The following NLGN1 variants were observed in gnomAD, a reference collection of about 807,000 sequenced individuals.
NLGN1 encodes the protein neuroligin-1.
NLGN1 carries 12 observed loss-of-function variants against 65.5 expected under a neutral mutation model. The observed-to-expected ratio is 0.18, with a 90% CI of 0.12 to 0.30. The LOEUF is 0.30. NLGN1 is among the 10% of genes least tolerant of loss of function. The pLI, the probability that NLGN1 is intolerant of heterozygous loss-of-function variation, is 1.00. For missense variants in NLGN1, 750 were observed against 1,007.1 expected, an observed-to-expected ratio of 0.74 and a Z score of 3.46; for synonymous variants, 350 against 359.5, an observed-to-expected ratio of 0.97 and a Z score of 0.30.
chr3:173,829,572 T>TG (rs1722079693), intron 4 of NLGN1, among the ~76,000 whole-genome samples: 1 of 100,808 alleles, frequency 9.9e-6, no homozygotes. Context: ...GTGTGTGTGT[T>TG]TGTGTGTGTG....
chr3:173,456,621 A>G (rs140466642), intron 2 of NLGN1, among the ~76,000 whole-genome samples: 2,353 of 152,272 alleles, frequency 0.015, 34 homozygotes, highest in Middle Eastern at 0.048. Flanking sequence ...AAGAGAGTTT[A>G]ATGAAGGGGC....
intron 4 of NLGN1, among the ~76,000 whole-genome samples, chr3:173,976,799 A>G (rs1174941181): frequency 6.6e-6 from 1 of 151,994 alleles, no homozygotes; most frequent in Non-Finnish European, 1.5e-5. Context: ...AGTTCTATCC[A>G]TCTTTCCTCA....
chr3:173,481,039 G>T (rs1214681312), intron 2 of NLGN1, among the ~76,000 whole-genome samples: 3 of 151,928 alleles, frequency 2.0e-5, no homozygotes, highest in Non-Finnish European at 4.4e-5. Flanking sequence ...AGATATAATT[G>T]TTATTATTAG....
At chr3:173,858,116 C>G (rs1460835884) in intron 4 of NLGN1, among the ~76,000 whole-genome samples, 1 of 152,094 alleles carries the variant, frequency 6.6e-6, no homozygotes, top group Non-Finnish European at 1.5e-5. Context: ...TTTCAAGAAC[C>G]TCACTATTTC....
chr3:173,478,702 C>A (rs767197074), intron 2 of NLGN1, among the ~76,000 whole-genome samples: 4 of 152,052 alleles, frequency 2.6e-5, no homozygotes, highest in Non-Finnish European at 5.9e-5. Context: ...GGGCGGATCA[C>A]ATGAGGCCAG....
intron 4 of NLGN1, among the ~76,000 whole-genome samples, chr3:173,808,898 T>C (rs1422626456): frequency 2.6e-5 from 4 of 152,184 alleles, no homozygotes; most frequent in Non-Finnish European, 4.4e-5. Flanking sequence ...ATTTTTCCCC[T>C]TCAGTGTTAT....
chr3:173,723,777 T>C (rs1288263530), intron 3 of NLGN1, among the ~76,000 whole-genome samples: 1 of 152,168 alleles, frequency 6.6e-6, no homozygotes, highest in East Asian at 1.9e-4. Flanking sequence ...TTTACTGCCA[T>C]GAAAAGAATA....
intron 3 of NLGN1, chr3:173,789,824 T>C (rs1265461444): frequency 4.0e-6 from 2 of 501,114 alleles, no homozygotes; most frequent in Admixed American, 4.1e-5. Context: ...AACTTTCATA[T>C]TTGAATAGAA....
intron 2 of NLGN1, among the ~76,000 whole-genome samples, chr3:173,559,986 C>T (rs980238632): frequency 6.8e-6 from 1 of 146,518 alleles, no homozygotes; most frequent in African/African-American, 2.6e-5. Flanking sequence ...CTCTGTCGCC[C>T]AGGCTGGAAT....
At chr3:173,452,042 G>A (rs34413331) in intron 2 of NLGN1, among the ~76,000 whole-genome samples, 72,507 of 152,058 alleles carry the variant, frequency 0.48, 19,650 homozygotes, top group East Asian at 0.84. Flanking sequence ...TTCGGCTCAC[G>A]CACAGTGCAC....
chr3:174,048,554 G>A (rs1247165388), intron 4 of NLGN1, among the ~76,000 whole-genome samples: 1 of 151,800 alleles, frequency 6.6e-6, no homozygotes, highest in Non-Finnish European at 1.5e-5. Flanking sequence ...GTAGGTCCGT[G>A]CTACATATCA....
rs1560229855 is a variant in NLGN1 at position 173,422,166 on chromosome 3, C to CACAT, written c.-389-12841_-389-12840insTACA. 2.4e-3 allele frequency among the ~76,000 whole-genome samples: 359 copies of CACAT among 152,056 alleles called. 1 individual carries two copies. The highest frequency in any genetic ancestry group is 8.0e-3 in the African/African-American group (333 of 41,448). ...ATATATACACACACACACACACATA[C>CACAT]ACACAATGGAATACTATTCAGCTAT... is the stretch of plus-strand genomic sequence containing the variant. On this transcript the variant is annotated intron_variant, in intron 1 of 6. Coordinates refer to ENST00000457714, the Ensembl canonical transcript of NLGN1.
intron 4 of NLGN1, among the ~76,000 whole-genome samples, chr3:173,949,843 C>T (rs1320676785): frequency 6.6e-6 from 1 of 152,102 alleles, no homozygotes; most frequent in Non-Finnish European, 1.5e-5. Flanking sequence ...GATCAATTAC[C>T]TTTATGGCTT....
At chr3:173,699,471 G>T (rs1417837614) in intron 3 of NLGN1, among the ~76,000 whole-genome samples, 1 of 152,162 alleles carries the variant, frequency 6.6e-6, no homozygotes, top group Non-Finnish European at 1.5e-5. Flanking sequence ...GCAGCCAAAT[G>T]GCCTGATTTT....
chr3:174,108,006 T>A (rs1576912939), intron 4 of NLGN1, among the ~76,000 whole-genome samples: 1 of 152,288 alleles, frequency 6.6e-6, no homozygotes, highest in African/African-American at 2.4e-5. Flanking sequence ...GTTGAGTTTT[T>A]AAGTTCCTTG....
intron 4 of NLGN1, among the ~76,000 whole-genome samples, chr3:173,956,727 G>A (rs1014115479): frequency 2.6e-5 from 4 of 152,030 alleles, no homozygotes; most frequent in Admixed American, 6.6e-5. Flanking sequence ...CAGTGTAAAC[G>A]TTCTAAATAG....
At chr3:173,818,895 C>CTTTTTT (rs200212547) in intron 4 of NLGN1, among the ~76,000 whole-genome samples, 1,414 of 92,356 alleles carry the variant, frequency 0.015, 181 homozygotes, top group African/African-American at 0.065. Context: ...TTGAATAGTT[C>CTTTTTT]TTTTTTTTTT....
rs529480281 is a variant in NLGN1 at position 174,275,246 on chromosome 3, G to A, written c.647-69G>A. The stretch of plus-strand genomic sequence containing the variant: ...ACCTTGATTAATACAGGCTTCATTT[G>A]TGTTTAAATTTGATGTCTATTTGAT... On this transcript the variant is annotated intron_variant, in intron 4 of 6. Coordinates refer to ENST00000457714, the Ensembl canonical transcript of NLGN1. 44 of 1,141,344 alleles carry A rather than the reference G, an allele frequency of 3.9e-5. No homozygotes were observed. The South Asian group carries it at 5.3e-4, about 14-fold the overall frequency. The allele number at this position is 1,141,344 out of a possible 1,614,324, so 70.7% of individuals were successfully genotyped here. A position where few individuals can be genotyped will look rare whatever the true frequency, so the allele number is the denominator to read the frequency against.
intron 3 of NLGN1, among the ~76,000 whole-genome samples, chr3:173,609,680 C>G (rs538352782): frequency 6.6e-6 from 1 of 151,982 alleles, no homozygotes; most frequent in South Asian, 2.1e-4. Flanking sequence ...GAGTATTGCT[C>G]TAGGTACAGA....
Sources: gnomAD v4.1 joint callset for allele counts (sites outside exome capture counted in the v4.1 genomes callset) on GRCh38, gnomAD v4.1.1 for gene constraint, MANE v1.5 for transcripts, NCBI Gene and HGNC (gene_info 2026-07-23, HGNC 2026-07-21) for gene names.